TOX: variants seen among roughly 807,000 people sequenced by gnomAD.
TOX encodes thymocyte selection-associated high mobility group box protein TOX.
TOX carries 11 observed loss-of-function variants against 53.7 expected under a neutral mutation model. The observed-to-expected ratio is 0.20, with a 90% CI of 0.13 to 0.34. The LOEUF is 0.34. Among genes scored for constraint, TOX ranks in the 10% least tolerant of loss-of-function variants. TOX has a pLI of 1.00. For synonymous variants in TOX, 225 were observed against 245.3 expected, an observed-to-expected ratio of 0.92 and a Z score of 0.77; for missense variants, 570 against 664.6, an observed-to-expected ratio of 0.86 and a Z score of 1.56.
chr8:58,856,461 A>G (rs377315452), intron 3 of TOX, among the ~76,000 whole-genome samples: 2 of 152,184 alleles, frequency 1.3e-5, no homozygotes, highest in Non-Finnish European at 1.5e-5. Flanking sequence ...ATCAGTATAA[A>G]CTGACTTTAA....
intron 1 of TOX, among the ~76,000 whole-genome samples, chr8:59,037,801 CAAAAAA>C (rs769397049): frequency 3.9e-3 from 385 of 98,060 alleles, no homozygotes; most frequent in African/African-American, 0.011. Flanking sequence ...GACTCCATCT[CAAAAAA>C]AAAAAAAAAA....
At chr8:58,885,234 G>A (rs778225108) in intron 3 of TOX, among the ~76,000 whole-genome samples, 5 of 151,980 alleles carry the variant, frequency 3.3e-5, no homozygotes, top group African/African-American at 1.2e-4. Context: ...TGCAAAATAC[G>A]ACAAAAGCAG....
chr8:59,105,190 C>T (rs953679339), intron 1 of TOX, among the ~76,000 whole-genome samples: 9 of 152,138 alleles, frequency 5.9e-5, no homozygotes, highest in Non-Finnish European at 1.3e-4. Flanking sequence ...ATAGGGACCA[C>T]ATTAGAGCTA....
At chr8:59,056,971 T>C (rs190096728) in intron 1 of TOX, among the ~76,000 whole-genome samples, 21 of 152,314 alleles carry the variant, frequency 1.4e-4, no homozygotes, top group African/African-American at 5.1e-4. Flanking sequence ...TGTAAGAATC[T>C]AAATTTTTAT....
chr8:58,939,169 A>C, intron 3 of TOX, 133 bp downstream of exon 3: 1 of 1,187,040 alleles, frequency 8.4e-7, no homozygotes, highest in South Asian at 1.5e-5. Flanking sequence ...TGTATGATTT[A>C]TAAATAACTG....
intron 6 of TOX, among the ~76,000 whole-genome samples, chr8:58,823,530 T>C (rs1254560239): frequency 1.3e-5 from 2 of 152,176 alleles, no homozygotes; most frequent in East Asian, 1.9e-4. Flanking sequence ...GGCTGGTATA[T>C]AGTATTTTTA....
At chr8:58,875,538 A>T (rs1320896976) in intron 3 of TOX, among the ~76,000 whole-genome samples, 4 of 152,326 alleles carry the variant, frequency 2.6e-5, no homozygotes, top group Admixed American at 2.6e-4. Context: ...TCCCTCTTAG[A>T]ATAGAAAAAC....
At chr8:58,958,637 T>C (rs1291039849) in intron 2 of TOX, among the ~76,000 whole-genome samples, 1 of 152,240 alleles carries the variant, frequency 6.6e-6, no homozygotes, top group Non-Finnish European at 1.5e-5. Context: ...CTTAGCCAAA[T>C]GAATTCAGTT....
chr8:59,109,367 T>A (rs529833614), intron 1 of TOX, among the ~76,000 whole-genome samples: 1 of 152,312 alleles, frequency 6.6e-6, no homozygotes, highest in East Asian at 1.9e-4. Context: ...ACAAAACCTT[T>A]ATCACACAAG....
intron 3 of TOX, among the ~76,000 whole-genome samples, chr8:58,853,204 C>T (rs1014639893): frequency 5.3e-5 from 8 of 152,148 alleles, no homozygotes; most frequent in South Asian, 2.1e-4. Context: ...TCAGTCTTCA[C>T]GCACAGTTCA....
In TOX at chr8:58,991,209, C is replaced by T. The variant is rs575830506; in HGVS notation, c.103-31201G>A. On this transcript the variant is annotated intron_variant, in intron 1 of 8. Transcript: ENST00000361421. ...TGCTGACAAACACACATTGTGGTGA[C>T]GATAAAAATAGCTCCTAACTGTGCA... Among the ~76,000 whole-genome samples, 9 of 152,168 alleles carry T rather than the reference C, an allele frequency of 5.9e-5. No homozygotes were observed. In the East Asian group the frequency reaches 1.4e-3, roughly 23 times the overall value.
At chr8:59,001,272 A>G (rs1813683962) in intron 1 of TOX, among the ~76,000 whole-genome samples, 2 of 152,226 alleles carry the variant, frequency 1.3e-5, no homozygotes, top group Non-Finnish European at 2.9e-5. Context: ...AGAGGTGACA[A>G]CAGCCACCTC....
At chr8:58,900,447 C>CA (rs545529631) in intron 3 of TOX, among the ~76,000 whole-genome samples, 87 of 151,328 alleles carry the variant, frequency 5.7e-4, no homozygotes, top group Non-Finnish European at 1.0e-3. Flanking sequence ...GATGAGTAGC[C>CA]AAAAAAAATC....
chr8:58,908,705 T>C (rs1434648786), intron 3 of TOX, among the ~76,000 whole-genome samples: 3 of 152,222 alleles, frequency 2.0e-5, no homozygotes, highest in African/African-American at 4.8e-5. Context: ...TCATTGATTA[T>C]CACAAGAGCC....
chr8:59,060,622 A>G (rs1803966003), intron 1 of TOX, among the ~76,000 whole-genome samples: 1 of 152,210 alleles, frequency 6.6e-6, no homozygotes, highest in Non-Finnish European at 1.5e-5. Flanking sequence ...GCGAGACTTC[A>G]TCTCAAAAAA....
chr8:59,028,402 A>G (rs903316564), intron 1 of TOX, among the ~76,000 whole-genome samples: 1 of 152,194 alleles, frequency 6.6e-6, no homozygotes, highest in Non-Finnish European at 1.5e-5. Flanking sequence ...TAGAAGCCAT[A>G]TATTTTATAG....
intron 1 of TOX, among the ~76,000 whole-genome samples, chr8:59,101,807 A>G (rs183073079): frequency 6.6e-6 from 1 of 152,322 alleles, no homozygotes; most frequent in Non-Finnish European, 1.5e-5. Flanking sequence ...AAAACCTTTT[A>G]TTTTTATGGT....
At chr8:58,833,368 T>C (rs941111882) in intron 5 of TOX, among the ~76,000 whole-genome samples, 4 of 152,200 alleles carry the variant, frequency 2.6e-5, no homozygotes, top group African/African-American at 9.7e-5. Context: ...ACCAACCCTT[T>C]CTGCTTCAAA....
At chr8:59,085,914 G>T (rs1314476414) in intron 1 of TOX, among the ~76,000 whole-genome samples, 1 of 150,890 alleles carries the variant, frequency 6.6e-6, no homozygotes, top group Non-Finnish European at 1.5e-5. Flanking sequence ...AAATTTCAGG[G>T]TGAATCAAAC....
Sources: allele counts gnomAD v4.1 joint callset (sites outside exome capture counted in the v4.1 genomes callset), GRCh38; gene constraint gnomAD v4.1.1; transcripts MANE v1.5; gene names NCBI Gene and HGNC (gene_info 2026-07-23, HGNC 2026-07-21).